Variants in CCR7 observed in about 807,000 individuals in gnomAD.
CCR7 encodes C-C motif chemokine receptor 7, also known as C-C chemokine receptor type 7.
A neutral mutation model predicts 26.0 loss-of-function variants in CCR7; 11 were observed. That is an observed-to-expected ratio of 0.42 (90% confidence interval 0.27 to 0.70). CCR7 has a LOEUF of 0.70. CCR7 is among the 30% of genes least tolerant of loss of function. CCR7 has a pLI of 0.23. For missense variants in CCR7, 360 were observed against 504.0 expected, an observed-to-expected ratio of 0.71 and a Z score of 2.74; for synonymous variants, 189 against 202.1, an observed-to-expected ratio of 0.94 and a Z score of 0.55.
chr17:40,557,832 AC>A (rs2036608936), intron 2 of CCR7, among the ~76,000 whole-genome samples: 1 of 151,518 alleles, frequency 6.6e-6, no homozygotes, highest in Admixed American at 6.6e-5. Flanking sequence ...CTATCTGAGC[AC>A]CCCCTCCCCA....
chr17:40,563,345 C>A lies in CCR7; in HGVS notation c.10+2055G>T, dbSNP rs191649719. ...TTAGCTTCAGCATCCCCCTTTGCCA[C>A]CATTTATGTCCGAGCTGTGAGGCAC... is the stretch of plus-strand genomic sequence containing the variant. On this transcript the variant is annotated intron_variant, in intron 1 of 2. Transcript: ENST00000246657. Among the ~76,000 whole-genome samples the A allele has an allele frequency of 4.3e-4, 66 of 152,260 alleles. 1 individual carries two copies. In the South Asian group the frequency reaches 7.9e-3, roughly 18 times the overall value.
Position 40,558,934 on chromosome 17 carries a change from T to C in CCR7, c.19A>G (p.Met7Val), listed in dbSNP as rs2228015. MDLGKP[M>V]KSVLVVALLV... The stretch of plus-strand genomic sequence containing the variant: ...AGAGCCACCACCAGCACGCTTTTCA[T>C]TGGTTTCCCTGTAGGAGACAAGGCG... The change falls in exon 2 of 3, where the codon ATG becomes GTG. Residue 7 changes from methionine to valine, a missense_variant. By Grantham distance (21) the Met-to-Val change is conservative (BLOSUM62 1). Transcript: ENST00000246657. 0.034 allele frequency: 54,254 copies of C among 1,611,608 alleles called. 1,114 individuals are homozygous for C. Among genetic ancestry groups the C allele is most frequent in the Middle Eastern group, 0.044 (267 of 6,040 alleles).
In CCR7 at chr17:40,554,764, G is replaced by T; in HGVS notation, c.1115C>A (p.Thr372Asn). Residue 372 changes from threonine to asparagine, a missense_variant, in exon 3 of 3, where the codon ACC becomes AAC. Physicochemically the swap from Thr to Asn is moderately conservative, Grantham distance 65. Transcript: ENST00000246657. ...CGCCTATGGGGAGAAGGTGGTGGTG[G>T]TCTCGGCCTCCACACTCATGGAGGA... is the stretch of plus-strand genomic sequence containing the variant. ...RRSSMSVEAE[T>N]TTTFSP 1 of 1,611,066 alleles carries T rather than the reference G, an allele frequency of 6.2e-7. No homozygotes were observed. Among genetic ancestry groups the T allele is most frequent in the Non-Finnish European group, 8.5e-7 (1 of 1,178,200 alleles).
Position 40,557,968 on chromosome 17 carries a change from G to C in CCR7, c.60+925C>G, listed in dbSNP as rs575461239. 1.8e-3 allele frequency among the ~76,000 whole-genome samples: 270 copies of C among 152,324 alleles called. 1 individual carries two copies. The highest frequency in any genetic ancestry group is 6.3e-3 in the African/African-American group (260 of 41,588). ...GAGAGAGAGGAGGGAGTGGTGATGG[G>C]GAAGGGGGCCAGGCTATGGGCTGCA... On this transcript the variant is annotated intron_variant, in intron 2 of 2. Coordinates refer to ENST00000246657, the MANE Select transcript of CCR7 (RefSeq NM_001838.4).
At chr17:40,563,430 G>A (rs1366459653) in intron 1 of CCR7, among the ~76,000 whole-genome samples, 13 of 152,034 alleles carry the variant, frequency 8.6e-5, no homozygotes, top group Non-Finnish European at 1.2e-4. Context: ...AAAGATCTTC[G>A]GTCTCATTGC....
chr17:40,557,001 G>A (rs2036593958), intron 2 of CCR7, among the ~76,000 whole-genome samples: 1 of 152,158 alleles, frequency 6.6e-6, no homozygotes, highest in South Asian at 2.1e-4. Context: ...ATGGGCCATG[G>A]GGGTGGGGGC....
intron 2 of CCR7, among the ~76,000 whole-genome samples, chr17:40,558,407 G>A (rs183816796): frequency 3.9e-5 from 6 of 152,106 alleles, no homozygotes; most frequent in East Asian, 1.9e-4. Flanking sequence ...CAGGGAGGCC[G>A]GATGGGTCTC....
At chr17:40,561,572 G>T (rs2036656181) in intron 1 of CCR7, among the ~76,000 whole-genome samples, 1 of 152,138 alleles carries the variant, frequency 6.6e-6, no homozygotes, top group African/African-American at 2.4e-5. Flanking sequence ...AAATTCCCTA[G>T]AACTCCAACC....
chr17:40,554,627 C>G lies in CCR7; in HGVS notation c.*115G>C, dbSNP rs2036557081. On this transcript the variant is annotated 3_prime_UTR_variant, in exon 3 of 3. Transcript: ENST00000246657. ...AGGGGCTTGCACTCTGAGGGGAGAG[C>G]TGCTTTTCCCTGAGCAGCTTTTGGC... 1 of 807,694 alleles carries G rather than the reference C, an allele frequency of 1.2e-6. No homozygotes were observed. The highest frequency in any genetic ancestry group is 1.7e-5 in the African/African-American group (1 of 58,204). The allele number at this position is 807,694 out of a possible 1,614,324, so 50.0% of individuals were successfully genotyped here.
At chr17:40,563,617 A>G (rs955142582) in intron 1 of CCR7, among the ~76,000 whole-genome samples, 1 of 151,964 alleles carries the variant, frequency 6.6e-6, no homozygotes, top group Non-Finnish European at 1.5e-5. Context: ...CACCCACCCC[A>G]TCAACGGCCC....
Position 40,555,408 on chromosome 17 carries a change from G to A in CCR7, c.471C>T (p.Ala157=). 1 of 1,614,028 alleles carries A rather than the reference G, an allele frequency of 6.2e-7. No homozygotes were observed. The highest frequency in any genetic ancestry group is 8.5e-7 in the Non-Finnish European group (1 of 1,180,034). The change falls in exon 3 of 3, where the codon GCC becomes GCT. Residue 157 remains alanine (A), a synonymous_variant. Transcript: ENST00000246657. The surrounding 1 kb of genome is among the most constrained non-coding windows in gnomAD (Gnocchi z 5.6). Reference sequence around the variant, plus strand: ...GGTGAGCTGAGACAGCCTGGACGATGGCCACGTAGCGGTCAATGCTGATGC... The same window carrying A: ...GGTGAGCTGAGACAGCCTGGACGATAGCCACGTAGCGGTCAATGCTGATGC... ...LLCISIDRYV[A]IVQAVSAHRH...
chr17:40,555,812 G>A lies in CCR7; in HGVS notation c.67C>T (p.Leu23=), dbSNP rs1204840880. 2 of 1,610,344 alleles carry A rather than the reference G, an allele frequency of 1.2e-6. No individual in the cohort carries two copies. Among genetic ancestry groups the A allele is most frequent in the Non-Finnish European group, 1.7e-6 (2 of 1,177,058 alleles). The change falls in exon 3 of 3, where the codon CTG becomes TTG. Residue 23 remains leucine (L), a synonymous_variant. Coordinates refer to ENST00000246657, the MANE Select transcript of CCR7 (RefSeq NM_001838.4). The surrounding 1 kb of genome is among the most constrained non-coding windows in gnomAD (Gnocchi z 5.6). Reference sequence around the variant, plus strand: ...TCGTCCGTGACCTCATCTTGACACAGGCATACCTTCGGGGAAGGAAATGAG... The same window carrying A: ...TCGTCCGTGACCTCATCTTGACACAAGCATACCTTCGGGGAAGGAAATGAG... ...VALLVIFQVC[L]CQDEVTDDYI... is the part of the protein sequence containing the mutation.
rs565238626 is a variant in CCR7 at position 40,553,842 on chromosome 17, G to T, written c.*900C>A. 4 of 152,220 alleles carry T rather than the reference G, an allele frequency of 2.6e-5. No individual in the cohort carries two copies. In the East Asian group the frequency reaches 7.7e-4, roughly 29 times the overall value. 9.4% of individuals were successfully genotyped at this position (152,220 alleles called of 1,614,324 possible). A position where few individuals can be genotyped will look rare whatever the true frequency, so the allele number is the denominator to read the frequency against. On this transcript the variant is annotated 3_prime_UTR_variant, in exon 3 of 3. Transcript: ENST00000246657. ...GTTTCCTCAAGGGAAAACTTTATCT[G>T]TGTGTGGGTAAAATGTTGCTCTCTT...
At position 40,557,094 on chromosome 17, in the gene CCR7, C is replaced by A. The variant is rs111378068; in HGVS notation, c.61-1276G>T. 7.1e-3 allele frequency among the ~76,000 whole-genome samples: 1,077 copies of A among 152,360 alleles called. 8 individuals are homozygous for A. The highest frequency in any genetic ancestry group is 0.011 in the Admixed American group (170 of 15,312). ...CCCTCTGTGCTCCCGCCCTCTCCCC[C>A]CACCTCTCTGCCTCTCTCTTCCTCG... On this transcript the variant is annotated intron_variant, in intron 2 of 2. Coordinates refer to ENST00000246657, the MANE Select transcript of CCR7 (RefSeq NM_001838.4).
At position 40,554,970 on chromosome 17, in the gene CCR7, T is replaced by C. The variant is rs2229095; in HGVS notation, c.909A>G (p.Gln303=). The C allele has an allele frequency of 0.025, 41,094 of 1,613,986 alleles. 1,402 individuals carry two copies. The highest frequency in any genetic ancestry group is 0.17 in the African/African-American group (13,028 of 74,938). Reference sequence around the variant, plus strand: ...AGGTGACGTCGTAGGCGATGTTGAGTTGCTTACTGAGCTCACAGGTGCTAC... The same window carrying C: ...AGGTGACGTCGTAGGCGATGTTGAGCTGCTTACTGAGCTCACAGGTGCTAC... ...ITSSTCELSK[Q]LNIAYDVTYS... Residue 303 remains glutamine, a synonymous_variant, in exon 3 of 3, where the codon CAA becomes CAG. Coordinates refer to ENST00000246657, the MANE Select transcript of CCR7 (RefSeq NM_001838.4).
intron 1 of CCR7, among the ~76,000 whole-genome samples, chr17:40,563,822 T>C (rs2036678472): frequency 6.6e-6 from 1 of 152,164 alleles, no homozygotes; most frequent in African/African-American, 2.4e-5. Flanking sequence ...TAAGACACTC[T>C]GCACATCTTC....
chr17:40,555,407 T>A lies in CCR7; in HGVS notation c.472A>T (p.Ile158Phe). ...LCISIDRYVA[I>F]VQAVSAHRHR... The stretch of plus-strand genomic sequence containing the variant: ...CGGTGAGCTGAGACAGCCTGGACGA[T>A]GGCCACGTAGCGGTCAATGCTGATG... The change falls in exon 3 of 3, where the codon ATC becomes TTC. Residue 158 changes from isoleucine (I) to phenylalanine (F), a missense_variant. By Grantham distance (21) the Ile-to-Phe change is conservative. Transcript: ENST00000246657. The surrounding 1 kb of genome is among the most constrained non-coding windows in gnomAD (Gnocchi z 5.6). The A allele has an allele frequency of 1.2e-6, 2 of 1,614,030 alleles. No individual in the cohort carries two copies. Among genetic ancestry groups the A allele is most frequent in the Non-Finnish European group, 1.7e-6 (2 of 1,180,040 alleles).
At position 40,558,315 on chromosome 17, in the gene CCR7, C is replaced by T. The variant is rs142237483; in HGVS notation, c.60+578G>A. Among the ~76,000 whole-genome samples, 285 of 152,204 alleles carry T rather than the reference C, an allele frequency of 1.9e-3. 1 individual carries two copies. Among genetic ancestry groups the T allele is most frequent in the African/African-American group, 6.6e-3 (272 of 41,506 alleles). On this transcript the variant is annotated intron_variant, in intron 2 of 2. Coordinates refer to ENST00000246657, the MANE Select transcript of CCR7 (RefSeq NM_001838.4). Reference sequence around the variant, plus strand: ...GTAAAGTGAGGGTCTTTGTTCCTGCCGAGTTCAGGCCTGCTATAAAGTGTG... The same window carrying T: ...GTAAAGTGAGGGTCTTTGTTCCTGCTGAGTTCAGGCCTGCTATAAAGTGTG...
rs1204924704 is a variant in CCR7, at chr17:40,554,939, G to C, written c.940C>G (p.Leu314Val). ...LNIAYDVTYS[L>V]ACVRCCVNPF... ...TTGACGCAGCAGCGGACGCAGGCCA[G>C]GCTGTAGGTGACGTCGTAGGCGATG... The change falls in exon 3 of 3, where the codon CTG becomes GTG. Residue 314 changes from leucine to valine, a missense_variant. By Grantham distance (32) the Leu-to-Val change is conservative (BLOSUM62 1). Transcript: ENST00000246657. 3.1e-6 allele frequency: 5 copies of C among 1,614,242 alleles called. No homozygotes were observed. The South Asian group carries it at 4.4e-5, about 14-fold the overall frequency.
Sources: gnomAD v4.1 joint callset for allele counts (sites outside exome capture counted in the v4.1 genomes callset) on GRCh38, gnomAD v4.1.1 for gene constraint, Gnocchi (gnomAD v3.1) non-coding constraint, MANE v1.5 for transcripts, NCBI Gene and HGNC (gene_info 2026-07-23, HGNC 2026-07-21) for gene names.